Variants in CFAP54 observed in about 807,000 individuals in gnomAD.
The protein encoded by CFAP54 is cilia- and flagella-associated protein 54.
In CFAP54, 290 loss-of-function variants were observed where a neutral mutation model predicts 370.4. That is an observed-to-expected ratio of 0.78 (90% CI 0.71 to 0.86). The LOEUF is 0.86. Ranked by LOEUF, CFAP54 falls within the 40% of genes least tolerant of loss-of-function variation. The pLI is 0.00. For synonymous variants in CFAP54, 1,206 were observed against 1,236.5 expected, an observed-to-expected ratio of 0.98 and a Z score of 0.52; for missense variants, 3,399 against 3,528.7, an observed-to-expected ratio of 0.96 and a Z score of 0.93.
intron 40 of CFAP54, among the ~76,000 whole-genome samples, chr12:96,683,739 G>A (rs570013583): frequency 6.6e-6 from 1 of 151,972 alleles, no homozygotes; most frequent in East Asian, 1.9e-4. Flanking sequence ...TGGGGTTTTT[G>A]GCTACACATC....
chr12:96,577,422 C>T (rs1955989364), intron 20 of CFAP54, among the ~76,000 whole-genome samples: 1 of 152,148 alleles, frequency 6.6e-6, no homozygotes, highest in South Asian at 2.1e-4. Flanking sequence ...CTACACTTTC[C>T]TCTTTGGGAT....
chr12:96,536,230 G>C (rs1955501605), intron 12 of CFAP54, among the ~76,000 whole-genome samples: 1 of 152,140 alleles, frequency 6.6e-6, no homozygotes, highest in Admixed American at 6.5e-5. Context: ...GTGTTAGTTT[G>C]CTGAGGATAA....
At chr12:96,858,324 C>T (rs1959770269) in intron 66 of CFAP54, among the ~76,000 whole-genome samples, 1 of 152,084 alleles carries the variant, frequency 6.6e-6, no homozygotes, top group Non-Finnish European at 1.5e-5. Flanking sequence ...ATATCCTTTG[C>T]CCGTTTTTTA....
chr12:96,494,217 A>G (rs1954922043), intron 1 of CFAP54, among the ~76,000 whole-genome samples: 1 of 152,182 alleles, frequency 6.6e-6, no homozygotes, highest in South Asian at 2.1e-4. Context: ...ATTTAGGGGA[A>G]TAATAGGACT....
rs1315994038 is a variant in CFAP54 at position 96,664,733 on chromosome 12, A to C, written c.5563+801A>C. ...TATATATCTATATATATCTATATAT[A>C]TATATCTATATATATATATATCTAT... On this transcript the variant is annotated intron_variant, in intron 39 of 67. Transcript: ENST00000524981. Among the ~76,000 whole-genome samples the C allele has an allele frequency of 2.1e-3, 51 of 24,776 alleles. 6 individuals carry two copies. The highest frequency in any genetic ancestry group is 2.5e-3 in the Admixed American group (5 of 1,962). The allele number at this position is 24,776 out of a possible 152,430, so 16.3% of individuals were successfully genotyped here.
At chr12:96,843,691 A>G (rs1319214000) in intron 66 of CFAP54, among the ~76,000 whole-genome samples, 1 of 152,232 alleles carries the variant, frequency 6.6e-6, no homozygotes, top group East Asian at 1.9e-4. Flanking sequence ...AGGATTTTAC[A>G]GGATATTTTT....
intron 67 of CFAP54, among the ~76,000 whole-genome samples, chr12:96,873,379 C>T (rs1180353920): frequency 1.3e-5 from 2 of 152,174 alleles, no homozygotes; most frequent in Non-Finnish European, 2.9e-5. Context: ...GGGTCATACA[C>T]TAAAGGAAAT....
chr12:96,647,592 G>A (rs905662426), intron 33 of CFAP54, among the ~76,000 whole-genome samples: 7 of 149,466 alleles, frequency 4.7e-5, no homozygotes, highest in Admixed American at 4.0e-4. Context: ...ATAAATTATC[G>A]TTTCAGAGCT....
chr12:96,655,341 C>G (rs925507673), intron 36 of CFAP54, among the ~76,000 whole-genome samples: 3 of 151,088 alleles, frequency 2.0e-5, no homozygotes, highest in Non-Finnish European at 1.5e-5. Context: ...TACCTTACCT[C>G]CTATGTGAAC....
At chr12:96,816,381 T>C (rs1372861393) in intron 64 of CFAP54, among the ~76,000 whole-genome samples, 3 of 152,312 alleles carry the variant, frequency 2.0e-5, no homozygotes, top group East Asian at 1.9e-4. Flanking sequence ...TATTGGTGTA[T>C]AGGATGACCC....
At chr12:96,561,560 C>T (rs1955816566) in intron 17 of CFAP54, among the ~76,000 whole-genome samples, 1 of 151,860 alleles carries the variant, frequency 6.6e-6, no homozygotes, top group Non-Finnish European at 1.5e-5. Context: ...TTTCTCTACC[C>T]CCAGATCTGG....
intron 32 of CFAP54, among the ~76,000 whole-genome samples, chr12:96,639,435 T>G (rs1956699933): frequency 6.6e-6 from 1 of 152,168 alleles, no homozygotes; most frequent in African/African-American, 2.4e-5. Context: ...AGGCAATCAT[T>G]AATAGCTTAC....
At chr12:96,790,307 G>T (rs1958676305) in intron 62 of CFAP54, among the ~76,000 whole-genome samples, 2 of 151,764 alleles carry the variant, frequency 1.3e-5, no homozygotes, top group South Asian at 4.2e-4. Flanking sequence ...AGGTTCTCCT[G>T]GTAGGCCTGT....
chr12:96,630,669 A>C lies in CFAP54; in HGVS notation c.4316+18A>C. ...CATGAAAGGTATTCACTAATTAATT[A>C]ATTCAATAAAAGTTTACTTGAGGGT... On this transcript the variant is annotated intron_variant, in intron 32 of 67. Transcript: ENST00000524981. The C allele has an allele frequency of 7.1e-7, 1 of 1,409,294 alleles. No homozygotes were observed. 87.3% of individuals were successfully genotyped at this position (1,409,294 alleles called of 1,614,324 possible).
intron 65 of CFAP54, among the ~76,000 whole-genome samples, chr12:96,820,807 AT>A (rs1302022296): frequency 2.0e-5 from 3 of 152,132 alleles, no homozygotes; most frequent in Non-Finnish European, 4.4e-5. Context: ...TCAGCTCTCT[AT>A]TTTTATACTT....
chr12:96,620,018 T>C (rs1956468569), intron 26 of CFAP54, among the ~76,000 whole-genome samples: 1 of 152,142 alleles, frequency 6.6e-6, no homozygotes, highest in Non-Finnish European at 1.5e-5. Context: ...AAATAAAAAT[T>C]TTTAAAAAAA....
At chr12:96,609,043 A>G (rs1956329081) in intron 26 of CFAP54, among the ~76,000 whole-genome samples, 1 of 152,228 alleles carries the variant, frequency 6.6e-6, no homozygotes, top group Non-Finnish European at 1.5e-5. Context: ...AAACACGATG[A>G]CAAACAATGC....
Position 96,691,208 on chromosome 12 carries a change from C to T in CFAP54, c.6162C>T (p.Gly2054=). 1 of 1,613,506 alleles carries T rather than the reference C, an allele frequency of 6.2e-7. No individual in the cohort carries two copies. Among genetic ancestry groups the T allele is most frequent in the South Asian group, 1.1e-5 (1 of 91,012 alleles). ...ATGAAATCACTCAGCTTCTCCCAGG[C>T]ATTGAACTCTTCTCAGATAGATACA... ...AQYEITQLLP[G]IELFSDRYRA... is the part of the protein sequence containing the mutation. Residue 2054 remains glycine (G), a synonymous_variant, in exon 44 of 68, where the codon GGC becomes GGT. Transcript: ENST00000524981.
intron 45 of CFAP54, among the ~76,000 whole-genome samples, chr12:96,699,338 C>A (rs1020612434): frequency 6.6e-6 from 1 of 152,084 alleles, no homozygotes; most frequent in African/African-American, 2.4e-5. Context: ...CAAGGAAGTT[C>A]GCGTGAGACA....
Sources: allele counts gnomAD v4.1 joint callset (sites outside exome capture counted in the v4.1 genomes callset), GRCh38; gene constraint gnomAD v4.1.1; transcripts MANE v1.5; gene names NCBI Gene and HGNC (gene_info 2026-07-23, HGNC 2026-07-21).